The following MRPL22 variants were observed in gnomAD, a reference collection of about 807,000 sequenced individuals.
The protein encoded by MRPL22 is large ribosomal subunit protein uL22m.
MRPL22 carries 27 observed loss-of-function variants against 32.4 expected under a neutral mutation model. The ratio of observed to expected loss-of-function variants is 0.83; its 90% CI spans 0.61 to 1.15. The LOEUF is 1.15. Ranked by LOEUF, MRPL22 falls within the 50% of genes most tolerant of loss-of-function variation. The pLI, the probability that MRPL22 is intolerant of heterozygous loss-of-function variation, is 0.00. For synonymous variants in MRPL22, 86 were observed against 87.3 expected (o/e 0.99, Z 0.08); for missense variants, 239 against 260.2 (o/e 0.92, Z 0.56).
rs745910901 is a variant in MRPL22 at position 154,950,816 on chromosome 5, C to A, written c.78-5C>A. 1 of 1,579,088 alleles carries A rather than the reference C, an allele frequency of 6.3e-7. No homozygotes were observed. The highest frequency in any genetic ancestry group is 8.7e-7 in the Non-Finnish European group (1 of 1,148,942). ...GTTGTTTTATAGGCTTCTTTCATTT[C>A]ACAGTGTTTTACCTCAATCATATAT... On this transcript the variant is annotated splice_region_variant and splice_polypyrimidine_tract_variant and intron_variant, in intron 2 of 6. Transcript: ENST00000523037.
intron 2 of MRPL22, among the ~76,000 whole-genome samples, chr5:154,944,731 G>A (rs1764465461): frequency 6.6e-6 from 1 of 152,182 alleles, no homozygotes; most frequent in African/African-American, 2.4e-5. Flanking sequence ...AGAATAAGAA[G>A]TATGTGTGTT....
At chr5:154,960,962 T>G (rs180846) in intron 6 of MRPL22, among the ~76,000 whole-genome samples, 27,703 of 152,174 alleles carry the variant, frequency 0.18, 3,516 homozygotes, top group African/African-American at 0.36. Flanking sequence ...ATGGGGAACA[T>G]CTACTCTCCA....
At chr5:154,957,356 T>C in intron 5 of MRPL22, 144 bp downstream of exon 5, 1 of 620,016 alleles carries the variant, frequency 1.6e-6, no homozygotes, top group Non-Finnish European at 2.8e-6. Context: ...AGATTTAGGG[T>C]TCTCAGTTTA....
intron 2 of MRPL22, among the ~76,000 whole-genome samples, chr5:154,948,515 G>A (rs550913792): frequency 7.2e-5 from 11 of 152,080 alleles, no homozygotes; most frequent in Non-Finnish European, 1.5e-4. Context: ...ATGATATTAC[G>A]TAACATGTTG....
intron 2 of MRPL22, 86 bp from the exon 3 acceptor site, chr5:154,950,735 G>C (rs914696825): frequency 3.7e-5 from 31 of 838,794 alleles, no homozygotes; most frequent in Non-Finnish European, 5.7e-5. Context: ...CATCAAAATG[G>C]AGCTGAAGTG....
Position 154,956,387 on chromosome 5 carries a change from G to A in MRPL22, c.212G>A (p.Arg71Gln), listed in dbSNP as rs137980460. The A allele has an allele frequency of 1.7e-5, 28 of 1,608,898 alleles. No individual in the cohort carries two copies. Among genetic ancestry groups the A allele is most frequent in the Admixed American group, 1.3e-4 (8 of 59,672 alleles). The change falls in exon 4 of 7, where the codon CGA becomes CAA. Residue 71 changes from arginine to glutamine, a missense_variant. Transcript: ENST00000523037. ...PRRPAEIYHCRRQIKYSKDKM... is the reference protein window; with the variant it reads ...PRRPAEIYHCQRQIKYSKDKM... ...ATTTGTAAGGAAATCTACCACTGTC[G>A]AAGACAAATAAAATATAGCAAAGAC...
chr5:154,959,615 C>T (rs1764675660), intron 5 of MRPL22, among the ~76,000 whole-genome samples: 1 of 152,170 alleles, frequency 6.6e-6, no homozygotes, highest in Non-Finnish European at 1.5e-5. Context: ...TCCCGAAGTA[C>T]TGGGACCATG....
intron 3 of MRPL22, among the ~76,000 whole-genome samples, chr5:154,953,574 C>G (rs749847030): frequency 6.6e-6 from 1 of 151,912 alleles, no homozygotes; most frequent in Non-Finnish European, 1.5e-5. Context: ...TCTTCACTCC[C>G]CCAACAACCG....
chr5:154,952,458 A>G (rs1177942107), intron 3 of MRPL22, among the ~76,000 whole-genome samples: 2 of 152,180 alleles, frequency 1.3e-5, no homozygotes, highest in African/African-American at 4.8e-5. Flanking sequence ...TATCCTTCTT[A>G]TACAAGTGCC....
At chr5:154,944,158 A>C (rs1273302768) in intron 2 of MRPL22, among the ~76,000 whole-genome samples, 1 of 152,042 alleles carries the variant, frequency 6.6e-6, no homozygotes, top group Non-Finnish European at 1.5e-5. Context: ...GGGTTTCACC[A>C]TGTTGGCCAA....
At chr5:154,966,554 C>T (rs1409204924) in intron 6 of MRPL22, 132 bp from the exon 7 acceptor site, 26 of 859,338 alleles carry the variant, frequency 3.0e-5, no homozygotes, top group Non-Finnish European at 4.7e-5. Context: ...TGTTTTGAGA[C>T]AAGCCTGCTC....
In MRPL22 at chr5:154,957,229, G is replaced by A; in HGVS notation, c.339+17G>A. The A allele has an allele frequency of 6.3e-7, 1 of 1,593,642 alleles. No individual in the cohort carries two copies. The highest frequency in any genetic ancestry group is 2.2e-5 in the East Asian group (1 of 44,766). Reference sequence around the variant, plus strand: ...ATTAAAGAGGTAAACTTACAAGTTTGGGTGTGGTAGGGAATGGGGAACTGG... The same window carrying A: ...ATTAAAGAGGTAAACTTACAAGTTTAGGTGTGGTAGGGAATGGGGAACTGG... On this transcript the variant is annotated intron_variant, in intron 5 of 6. Coordinates refer to ENST00000523037, the MANE Select transcript of MRPL22 (RefSeq NM_014180.4).
At chr5:154,946,508 T>C (rs1764492794) in intron 2 of MRPL22, among the ~76,000 whole-genome samples, 1 of 152,084 alleles carries the variant, frequency 6.6e-6, no homozygotes, top group South Asian at 2.1e-4. Context: ...CTTTGTTTTA[T>C]TTTTTATGCC....
At chr5:154,946,443 A>G (rs1000291103) in intron 2 of MRPL22, among the ~76,000 whole-genome samples, 5 of 152,126 alleles carry the variant, frequency 3.3e-5, no homozygotes, top group Non-Finnish European at 7.3e-5. Context: ...CTTACAGTTC[A>G]CAGGACTTAT....
intron 5 of MRPL22, among the ~76,000 whole-genome samples, chr5:154,957,526 T>C (rs890767986): frequency 2.0e-5 from 3 of 152,210 alleles, no homozygotes; most frequent in Admixed American, 6.5e-5. Context: ...TGTATTTGTG[T>C]GTATGTATGT....
rs760543773 is a variant in MRPL22, at chr5:154,941,155, G to T, written c.28+17G>T. Reference sequence around the variant, plus strand: ...GACAGTTGGGTAAGGATTTCTTAGTGGTTAAGCGACAGAAGGGAGTCGAGA... The same window carrying T: ...GACAGTTGGGTAAGGATTTCTTAGTTGTTAAGCGACAGAAGGGAGTCGAGA... On this transcript the variant is annotated intron_variant, in intron 1 of 6. Coordinates refer to ENST00000523037, the MANE Select transcript of MRPL22 (RefSeq NM_014180.4). 3.7e-6 allele frequency: 6 copies of T among 1,614,172 alleles called. No homozygotes were observed. In the East Asian group the frequency reaches 1.3e-4, roughly 36 times the overall value.
At chr5:154,951,411 CT>C (rs1764559913) in intron 3 of MRPL22, among the ~76,000 whole-genome samples, 1 of 152,120 alleles carries the variant, frequency 6.6e-6, no homozygotes, top group South Asian at 2.1e-4. Flanking sequence ...GGAGATTTAT[CT>C]TATCGTTATC....
intron 2 of MRPL22, among the ~76,000 whole-genome samples, chr5:154,948,182 T>TA (rs1764516139): frequency 6.6e-6 from 1 of 152,218 alleles, no homozygotes; most frequent in African/African-American, 2.4e-5. Context: ...ACTTACTACT[T>TA]ATGGCCAATG....
intron 6 of MRPL22, among the ~76,000 whole-genome samples, chr5:154,965,790 G>A (rs1408071345): frequency 1.3e-5 from 2 of 152,112 alleles, no homozygotes; most frequent in African/African-American, 4.8e-5. Context: ...ATGGGGGAGG[G>A]GAGCTGAAGG....
Sources: allele counts gnomAD v4.1 joint callset (sites outside exome capture counted in the v4.1 genomes callset), GRCh38; gene constraint gnomAD v4.1.1; transcripts MANE v1.5; gene names NCBI Gene and HGNC (gene_info 2026-07-23, HGNC 2026-07-21).